Variants in FAM186A observed in about 807,000 individuals in gnomAD.
The protein encoded by FAM186A is protein FAM186A.
A neutral mutation model predicts 216.8 loss-of-function variants in FAM186A; 163 were observed. The ratio of observed to expected loss-of-function variants is 0.75; its 90% confidence interval spans 0.66 to 0.86. The LOEUF is 0.86. Ranked by LOEUF, FAM186A falls within the 40% of genes least tolerant of loss-of-function variation. The probability of loss-of-function intolerance (pLI) is 0.00; values close to 1 mark genes in which losing one functional copy is unlikely to be tolerated. For missense variants in FAM186A, 2,184 were observed against 2,746.2 expected (o/e 0.80, Z 4.58); for synonymous variants, 805 against 1,025.3 (o/e 0.79, Z 4.10).
intron 4 of FAM186A, among the ~76,000 whole-genome samples, chr12:50,342,433 A>G (rs944136055): frequency 1.3e-5 from 2 of 151,756 alleles, no homozygotes; most frequent in African/African-American, 4.8e-5. Context: ...CTAAGGGGGA[A>G]AAATCTCCTT....
intron 1 of FAM186A, among the ~76,000 whole-genome samples, chr12:50,389,797 C>A (rs1041345021): frequency 6.6e-6 from 1 of 152,192 alleles, no homozygotes; most frequent in East Asian, 1.9e-4. Context: ...CACTGTCGTT[C>A]TCCAAAATCC....
At chr12:50,366,645 AAAAC>A (rs553287101) in intron 1 of FAM186A, among the ~76,000 whole-genome samples, 5,611 of 35,242 alleles carry the variant, frequency 0.16, 217 homozygotes, top group Admixed American at 0.2. Context: ...AAAAAAAAAA[AAAAC>A]GTGATCATCA....
At chr12:50,393,320 C>T (rs1943381069) in intron 1 of FAM186A, among the ~76,000 whole-genome samples, 2 of 151,796 alleles carry the variant, frequency 1.3e-5, no homozygotes, top group Non-Finnish European at 2.9e-5. Context: ...GGAGGATCAC[C>T]TGAGGTCAGG....
chr12:50,339,311 C>T (rs752583161), intron 4 of FAM186A, among the ~76,000 whole-genome samples: 3 of 152,148 alleles, frequency 2.0e-5, no homozygotes, highest in Non-Finnish European at 2.9e-5. Context: ...ACCACCAGAC[C>T]GGGCTGATTT....
chr12:50,367,120 G>A (rs1943097040), intron 1 of FAM186A, among the ~76,000 whole-genome samples: 1 of 152,128 alleles, frequency 6.6e-6, no homozygotes, highest in Admixed American at 6.6e-5. Flanking sequence ...ATATTCAACA[G>A]TGAAAGACTG....
chr12:50,363,076 T>C (rs561829547), intron 2 of FAM186A, 69 bp downstream of exon 2: 1 of 1,271,868 alleles, frequency 7.9e-7, no homozygotes, highest in East Asian at 2.5e-5. Flanking sequence ...CTTCAAAATT[T>C]ACTTATATAT....
intron 1 of FAM186A, among the ~76,000 whole-genome samples, chr12:50,394,770 G>T (rs1943397598): frequency 1.7e-5 from 1 of 57,262 alleles, no homozygotes; most frequent in African/African-American, 8.3e-5. Context: ...TAGAGATAGA[G>T]TCCCTCTGTC....
intron 1 of FAM186A, among the ~76,000 whole-genome samples, chr12:50,371,627 T>A (rs1943143185): frequency 6.6e-6 from 1 of 152,130 alleles, no homozygotes; most frequent in Non-Finnish European, 1.5e-5. Context: ...GTTGTGGTTT[T>A]TAGGGGATAA....
chr12:50,351,232 G>A lies in FAM186A; in HGVS notation c.5600C>T (p.Ser1867Phe), dbSNP rs1942875111. Residue 1867 changes from serine (S) to phenylalanine (F), a missense_variant, in exon 4 of 8, where the codon TCT becomes TTT. Coordinates refer to ENST00000327337, the MANE Select transcript of FAM186A (RefSeq NM_001145475.3). The stretch of plus-strand genomic sequence containing the variant: ...TTCCAGGAGGTCCCCAGGGATGGAA[G>A]AGGCTTCAGGAACTAAGGGCTGCCC... ...SPGQPLVPEA[S>F]SIPGDLLESG... 1 of 1,551,568 alleles carries A rather than the reference G, an allele frequency of 6.4e-7. No individual in the cohort carries two copies. The highest frequency in any genetic ancestry group is 1.4e-5 in the African/African-American group (1 of 73,134).
chr12:50,368,325 G>A (rs1396956610), intron 1 of FAM186A, among the ~76,000 whole-genome samples: 9 of 151,922 alleles, frequency 5.9e-5, no homozygotes, highest in Non-Finnish European at 8.8e-5. Context: ...TTCTTCACCC[G>A]GGAGGTGGAT....
chr12:50,351,003 G>A lies in FAM186A; in HGVS notation c.5829C>T (p.Pro1943=). ...TLWPSPAPGK[P]QKSWSPSVAK... ...CAACAGAAGGGGACCAACTTTTCTG[G>A]GGCTTTCCAGGGGCTGGGGACGGCC... is the stretch of plus-strand genomic sequence containing the variant. Residue 1943 remains proline (P), a synonymous_variant, in exon 4 of 8, where the codon CCC becomes CCT. Coordinates refer to ENST00000327337, the MANE Select transcript of FAM186A (RefSeq NM_001145475.3). 6.4e-7 allele frequency: 1 copy of A among 1,551,486 alleles called. No individual in the cohort carries two copies. The highest frequency in any genetic ancestry group is 8.7e-7 in the Non-Finnish European group (1 of 1,146,942).
chr12:50,385,857 G>T lies in FAM186A; in HGVS notation c.192+10436C>A, dbSNP rs755132152. Among the ~76,000 whole-genome samples, 3 of 150,128 alleles carry T rather than the reference G, an allele frequency of 2.0e-5. No homozygotes were observed. The South Asian group carries it at 6.4e-4, about 32-fold the overall frequency. On this transcript the variant is annotated intron_variant, in intron 1 of 7. Coordinates refer to ENST00000327337, the MANE Select transcript of FAM186A (RefSeq NM_001145475.3). ...GTGGAGCTTGCAGTGAGTTGAGATC[G>T]CACCACTGCACTCCAGCCTGGGCAA...
rs58854066 is a variant in FAM186A at position 50,331,971 on chromosome 12, C to A, written c.6697-150G>T. On this transcript the variant is annotated intron_variant, in intron 5 of 7. Transcript: ENST00000327337. ...CCCTACTCCACCCACCTCCAACATG[C>A]ATCATTTTAGAGGTGGCAGCTCTGC... is the stretch of plus-strand genomic sequence containing the variant. 3,134 of 650,898 alleles carry A rather than the reference C, an allele frequency of 4.8e-3. 74 individuals carry two copies. In the African/African-American group the frequency reaches 0.052, roughly 11 times the overall value. 40.3% of individuals were successfully genotyped at this position (650,898 alleles called of 1,614,324 possible).
At chr12:50,337,760 G>A (rs1328250406) in intron 4 of FAM186A, among the ~76,000 whole-genome samples, 25 of 152,080 alleles carry the variant, frequency 1.6e-4, no homozygotes, top group Admixed American at 1.6e-3. Flanking sequence ...GCTGGGCGTG[G>A]TGGCAAGCGC....
chr12:50,343,411 GT>G (rs888970432), intron 4 of FAM186A, among the ~76,000 whole-genome samples: 2 of 152,022 alleles, frequency 1.3e-5, no homozygotes, highest in African/African-American at 4.8e-5. Context: ...AACATTCAGG[GT>G]TTTTTTATTG....
chr12:50,388,619 CAAA>C (rs1260633038), intron 1 of FAM186A, among the ~76,000 whole-genome samples: 4 of 92,694 alleles, frequency 4.3e-5, no homozygotes, highest in Admixed American at 1.2e-4. Flanking sequence ...AACTCCGTCT[CAAA>C]AAAAAAAAAA....
In FAM186A at chr12:50,334,006, C is replaced by T. The variant is rs765122271; in HGVS notation, c.6601G>A (p.Gly2201Arg). The T allele has an allele frequency of 2.4e-5, 38 of 1,551,550 alleles. No homozygotes were observed. Among genetic ancestry groups the T allele is most frequent in the Non-Finnish European group, 3.1e-5 (36 of 1,146,990 alleles). Residue 2201 changes from glycine (G) to arginine (R), a missense_variant, in exon 5 of 8, where the codon GGG (glycine) becomes AGG (arginine). Physicochemically the swap from Gly to Arg is moderately radical, Grantham distance 125. Transcript: ENST00000327337. ...HMMLSRLDDY[G>R]KKVMQVWTEK... ...GTCCAGACCTGCATCACCTTTTTCC[C>T]GTAGTCATCAAGTCTGCTCAGCATC...
At chr12:50,394,608 G>C (rs1218944401) in intron 1 of FAM186A, among the ~76,000 whole-genome samples, 1 of 151,666 alleles carries the variant, frequency 6.6e-6, no homozygotes, top group Admixed American at 6.6e-5. Flanking sequence ...TATAGAGAGA[G>C]AGAGACAGAG....
intron 1 of FAM186A, among the ~76,000 whole-genome samples, chr12:50,370,851 C>T (rs1018305525): frequency 6.6e-6 from 1 of 151,908 alleles, no homozygotes; most frequent in African/African-American, 2.4e-5. Context: ...AATCCCGGCA[C>T]TTTGGGAGGC....
Sources: allele counts gnomAD v4.1 joint callset (sites outside exome capture counted in the v4.1 genomes callset), GRCh38; gene constraint gnomAD v4.1.1; transcripts MANE v1.5; gene names NCBI Gene and HGNC (gene_info 2026-07-23, HGNC 2026-07-21).